LINGO1: variants seen among roughly 807,000 people sequenced by gnomAD.
LINGO1 encodes leucine rich repeat and Ig domain containing 1.
In LINGO1, 11 loss-of-function variants were observed where a neutral mutation model predicts 37.3. That is an observed-to-expected ratio of 0.29 (90% CI 0.19 to 0.49). The LOEUF (loss-of-function observed/expected upper bound fraction) is 0.49. Ranked by LOEUF, LINGO1 falls within the 20% of genes least tolerant of loss-of-function variation. The probability of loss-of-function intolerance (pLI) is 0.99; values close to 1 mark genes in which losing one functional copy is unlikely to be tolerated. For missense variants in LINGO1, 585 were observed against 878.2 expected, an observed-to-expected ratio of 0.67 and a Z score of 4.22; for synonymous variants, 387 against 403.0, an observed-to-expected ratio of 0.96 and a Z score of 0.48.
Position 77,794,020 on chromosome 15 carries a change from G to A in LINGO1, c.-343+1919C>T, listed in dbSNP as rs946073281. On this transcript the variant is annotated intron_variant, in intron 2 of 5. Transcript: ENST00000562933. ...GCTGACTGTGGCCCTCCTGCCCTGCGTCAGCTCCCGCCTGCATCTCCCCGC... is the reference window on the plus strand; with the variant it reads ...GCTGACTGTGGCCCTCCTGCCCTGCATCAGCTCCCGCCTGCATCTCCCCGC... Among the ~76,000 whole-genome samples the A allele has an allele frequency of 9.1e-4, 138 of 152,190 alleles. 1 individual carries two copies. The highest frequency in any genetic ancestry group is 2.9e-3 in the African/African-American group (121 of 41,514).
chr15:77,651,251 G>A (rs1188576306), intron 3 of LINGO1: 3 of 152,220 alleles, frequency 2.0e-5, no homozygotes, highest in Non-Finnish European at 4.4e-5. Context: ...ATGAATGAAT[G>A]ACAGAAGACT....
intron 3 of LINGO1, among the ~76,000 whole-genome samples, chr15:77,665,732 T>A (rs938197917): frequency 6.6e-6 from 1 of 152,230 alleles, no homozygotes; most frequent in Non-Finnish European, 1.5e-5. Flanking sequence ...GGTGAGATGC[T>A]GAGCTGACCC....
chr15:77,813,979 G>A (rs1251111767), intron 1 of LINGO1, among the ~76,000 whole-genome samples: 1 of 151,894 alleles, frequency 6.6e-6, no homozygotes, highest in East Asian at 1.9e-4. Context: ...TCGTCCCTGG[G>A]CTCTCCTGCC....
At chr15:77,648,077 G>C in intron 3 of LINGO1, 2 of 376,236 alleles carry the variant, frequency 5.3e-6, no homozygotes, top group South Asian at 4.0e-5. Context: ...GTGGTAAGTG[G>C]GGAGGACTTT....
chr15:77,699,011 G>A (rs910115114), upstream of LINGO1, among the ~76,000 whole-genome samples: 4 of 152,106 alleles, frequency 2.6e-5, no homozygotes, highest in Non-Finnish European at 4.4e-5. Context: ...CCTCAGAGGT[G>A]GCTCCTAAGG....
At chr15:77,804,411 A>T (rs374016712) in intron 1 of LINGO1, among the ~76,000 whole-genome samples, 1 of 152,190 alleles carries the variant, frequency 6.6e-6, no homozygotes, top group Non-Finnish European at 1.5e-5. Context: ...CTAGAAGTAG[A>T]TGGCCAGAGA....
chr15:77,734,836 C>T (rs4886904), intron 2 of LINGO1, among the ~76,000 whole-genome samples: 50,291 of 151,942 alleles, frequency 0.33, 9,690 homozygotes, highest in Admixed American at 0.49. Context: ...CCCAGTGACT[C>T]AAAAGCGCCC....
At chr15:77,789,891 C>G (rs147770725), upstream of LINGO1, among the ~76,000 whole-genome samples, 1,226 of 152,166 alleles carry the variant, frequency 8.1e-3, 13 homozygotes, top group African/African-American at 0.027. Flanking sequence ...GCTCAAGCAG[C>G]CTCCCAAGTA....
chr15:77,753,695 A>G (rs1454906980), intron 1 of LINGO1, among the ~76,000 whole-genome samples: 1 of 152,236 alleles, frequency 6.6e-6, no homozygotes, highest in African/African-American at 2.4e-5. Context: ...CAAAGACACA[A>G]AGCCATATTG....
rs866883368 is a variant in LINGO1 at position 77,649,832 on chromosome 15, G to T, written c.-13+27257C>A. 6.6e-5 allele frequency among the ~76,000 whole-genome samples: 10 copies of T among 152,264 alleles called. No homozygotes were observed. In the South Asian group the frequency reaches 2.1e-3, roughly 32 times the overall value. ...GGCTGGGCAGGTGATAGCCACCAAG[G>T]GGAGAGTGGAGATGATGAAAGGGTG... is the stretch of plus-strand genomic sequence containing the variant. On this transcript the variant is annotated intron_variant, in intron 3 of 3. Transcript: ENST00000559893.
chr15:77,742,700 G>A (rs2076276398), intron 1 of LINGO1, among the ~76,000 whole-genome samples: 1 of 152,236 alleles, frequency 6.6e-6, no homozygotes, highest in African/African-American at 2.4e-5. Context: ...CTGCTGGAGA[G>A]CTGGTGTTAC....
intron 3 of LINGO1, among the ~76,000 whole-genome samples, chr15:77,661,339 G>A (rs1277407381): frequency 6.6e-6 from 1 of 152,234 alleles, no homozygotes; most frequent in East Asian, 1.9e-4. Flanking sequence ...AACAGGGAAG[G>A]CTGGGAAGTC....
At chr15:77,733,782 T>TG (rs2076175975) in intron 2 of LINGO1, among the ~76,000 whole-genome samples, 1 of 152,240 alleles carries the variant, frequency 6.6e-6, no homozygotes, top group African/African-American at 2.4e-5. Context: ...TTAGGTCCAC[T>TG]GAGCGTAGTT....
chr15:77,785,916 C>T (rs912444591), intron 1 of LINGO1, among the ~76,000 whole-genome samples: 3 of 152,190 alleles, frequency 2.0e-5, no homozygotes, highest in African/African-American at 7.2e-5. Context: ...TGGCGGCCAA[C>T]CCCAGGCAAA....
chr15:77,753,277 A>G (rs1181853896), intron 1 of LINGO1, among the ~76,000 whole-genome samples: 1 of 152,240 alleles, frequency 6.6e-6, no homozygotes, highest in Non-Finnish European at 1.5e-5. Context: ...GGGAGTTCAG[A>G]GACCAGGGCT....
chr15:77,682,322 G>A (rs11638112), intron 2 of LINGO1, among the ~76,000 whole-genome samples: 28,170 of 147,908 alleles, frequency 0.19, 3,010 homozygotes, highest in African/African-American at 0.28. Context: ...GTAGTGTCTC[G>A]TCTCATACAG....
At chr15:77,714,181 G>C (rs2075955321) in intron 2 of LINGO1, among the ~76,000 whole-genome samples, 1 of 152,090 alleles carries the variant, frequency 6.6e-6, no homozygotes, top group Non-Finnish European at 1.5e-5. Context: ...GCCAGGAATT[G>C]AGGATCCTTC....
chr15:77,718,496 C>T (rs778489428), intron 2 of LINGO1, among the ~76,000 whole-genome samples: 11 of 150,892 alleles, frequency 7.3e-5, no homozygotes, highest in South Asian at 6.4e-4. Context: ...GTATGTATTG[C>T]GTGCCTACAC....
chr15:77,731,486 T>C lies in LINGO1; in HGVS notation c.-195+3506A>G, dbSNP rs534349044. ...AGGGGATTCAATCCCAGCTCTGCCTTTTCTGTGACTTGGGTCAACTCAGCT... is the reference window on the plus strand; with the variant it reads ...AGGGGATTCAATCCCAGCTCTGCCTCTTCTGTGACTTGGGTCAACTCAGCT... On this transcript the variant is annotated intron_variant, in intron 2 of 3. Transcript: ENST00000561686. Among the ~76,000 whole-genome samples the C allele has an allele frequency of 4.6e-5, 7 of 152,264 alleles. No individual in the cohort carries two copies. The South Asian group carries it at 1.5e-3, about 32-fold the overall frequency.
Sources: allele counts gnomAD v4.1 joint callset (sites outside exome capture counted in the v4.1 genomes callset), GRCh38; gene constraint gnomAD v4.1.1; transcripts MANE v1.5; gene names NCBI Gene and HGNC (gene_info 2026-07-23, HGNC 2026-07-21).